AFDN: variants seen among roughly 807,000 people sequenced by gnomAD.
AFDN encodes the protein afadin.
AFDN carries 68 observed loss-of-function variants against 216.6 expected under a neutral mutation model. The ratio of observed to expected loss-of-function variants is 0.31; its 90% CI spans 0.26 to 0.38. The LOEUF (loss-of-function observed/expected upper bound fraction) is 0.38, where lower values mean the gene tolerates loss of function less well. Among genes scored for constraint, AFDN ranks in the 10% least tolerant of loss-of-function variants. The pLI, the probability that AFDN is intolerant of heterozygous loss-of-function variation, is 1.00. For missense variants in AFDN, 2,136 were observed against 2,342.0 expected, an observed-to-expected ratio of 0.91 and a Z score of 1.82; for synonymous variants, 868 against 853.7, an observed-to-expected ratio of 1.02 and a Z score of -0.29.
At chr6:167,863,901 G>A in intron 1 of AFDN, 1 of 426,612 alleles carries the variant, frequency 2.3e-6, no homozygotes, top group Admixed American at 2.5e-5. Context: ...AAAAGTACTT[G>A]TGCTTTTTGC....
At chr6:167,826,615 A>G, upstream of AFDN, 3 of 516,590 alleles carry the variant, frequency 5.8e-6, no homozygotes, top group Admixed American at 5.9e-5. Flanking sequence ...CGGACCCAGC[A>G]CTGCCCATTT....
chr6:167,848,845 C>CT, intron 1 of AFDN, among the ~76,000 whole-genome samples: 1 of 152,290 alleles, frequency 6.6e-6, no homozygotes, highest in South Asian at 2.1e-4. Flanking sequence ...TTTTTACAGA[C>CT]TCAGCTGTGT....
chr6:167,880,494 C>G lies in AFDN; in HGVS notation c.874C>G (p.Pro292Ala), dbSNP rs760760689. The G allele has an allele frequency of 6.2e-7, 1 of 1,613,612 alleles. No individual in the cohort carries two copies. Among genetic ancestry groups the G allele is most frequent in the Admixed American group, 1.7e-5 (1 of 59,998 alleles). ...GAAGTATGGTCTGGAAAAAGAAAACCCTAAGGATTACTGCATCGCCCGGGT... is the reference window on the plus strand; with the variant it reads ...GAAGTATGGTCTGGAAAAAGAAAACGCTAAGGATTACTGCATCGCCCGGGT... ...LEKYGLEKEN[P>A]KDYCIARVML... The change falls in exon 6 of 34, where the codon CCT becomes GCT. Residue 292 changes from proline (P) to alanine (A), a missense_variant. By Grantham distance (27) the Pro-to-Ala change is conservative. Coordinates refer to ENST00000683244, the MANE Select transcript of AFDN (RefSeq NM_001386888.1).
intron 31 of AFDN, chr6:167,963,122 T>C: frequency 2.8e-6 from 3 of 1,067,624 alleles, no homozygotes; most frequent in Non-Finnish European, 3.4e-6. Context: ...TTTTCATGTG[T>C]GTGTGTGTGT....
chr6:167,875,650 A>G (rs1244772626), intron 5 of AFDN, among the ~76,000 whole-genome samples, 155 bp downstream of exon 5: 1 of 151,978 alleles, frequency 6.6e-6, no homozygotes, highest in East Asian at 1.9e-4. Flanking sequence ...AAATCAGCCT[A>G]CCCTATGTAC....
intron 12 of AFDN, 69 bp from the exon 13 acceptor site, chr6:167,907,102 C>G (rs1220242631): frequency 3.8e-5 from 44 of 1,147,144 alleles, no homozygotes; most frequent in Non-Finnish European, 5.3e-5. Context: ...TCTCTGCTTG[C>G]AACGCTGAGT....
At chr6:167,866,620 T>C (rs906687438) in intron 2 of AFDN, among the ~76,000 whole-genome samples, 1 of 152,238 alleles carries the variant, frequency 6.6e-6, no homozygotes, top group East Asian at 1.9e-4. Flanking sequence ...GCTGGGACAG[T>C]TGTGCCTCTT....
intron 1 of AFDN, among the ~76,000 whole-genome samples, chr6:167,854,358 A>G (rs2128190085): frequency 6.6e-6 from 1 of 152,182 alleles, no homozygotes; most frequent in Admixed American, 6.5e-5. Flanking sequence ...CTGTGAAACA[A>G]GTTGGAAATT....
chr6:167,926,970 T>TA (rs1318263805), intron 23 of AFDN, among the ~76,000 whole-genome samples: 2 of 152,204 alleles, frequency 1.3e-5, no homozygotes, highest in African/African-American at 4.8e-5. Flanking sequence ...GATTTGCTGT[T>TA]ACACAGGTTT....
At chr6:167,891,241 G>A (rs1357052748) in intron 8 of AFDN, among the ~76,000 whole-genome samples, 1 of 151,960 alleles carries the variant, frequency 6.6e-6, no homozygotes, top group African/African-American at 2.4e-5. Flanking sequence ...CATAAAAATG[G>A]TTCACATGGA....
intron 31 of AFDN, chr6:167,963,949 C>A: frequency 9.4e-7 from 1 of 1,064,642 alleles, no homozygotes; most frequent in Middle Eastern, 4.2e-4. Flanking sequence ...CTGTCCCAGG[C>A]CGTGCACAGT....
chr6:167,921,869 G>A (rs1016633761), intron 21 of AFDN, among the ~76,000 whole-genome samples: 2 of 151,674 alleles, frequency 1.3e-5, no homozygotes, highest in South Asian at 2.1e-4. Context: ...TGTTTTTGAC[G>A]TCTCCTTTTT....
intron 26 of AFDN, among the ~76,000 whole-genome samples, chr6:167,944,875 C>T (rs1209537967): frequency 3.9e-5 from 6 of 151,946 alleles, no homozygotes; most frequent in South Asian, 2.1e-4. Flanking sequence ...GCTCTGGGTG[C>T]GTCCACGAGT....
At chr6:167,921,924 T>A (rs1407876003) in intron 21 of AFDN, among the ~76,000 whole-genome samples, 1 of 152,206 alleles carries the variant, frequency 6.6e-6, no homozygotes, top group Non-Finnish European at 1.5e-5. Context: ...ACGGTCAGAA[T>A]TTTCTCCTTG....
At chr6:167,914,882 G>T (rs113147337) in intron 18 of AFDN, 144 bp downstream of exon 18, 1 of 677,472 alleles carries the variant, frequency 1.5e-6, no homozygotes, top group Non-Finnish European at 2.5e-6. Flanking sequence ...AAATTTTAAC[G>T]ATTATTTGTT....
intron 21 of AFDN, among the ~76,000 whole-genome samples, chr6:167,922,634 G>C (rs1791978762): frequency 6.6e-6 from 1 of 152,204 alleles, no homozygotes; most frequent in Non-Finnish European, 1.5e-5. Flanking sequence ...AGAGGAGTGG[G>C]AGGCCAATTT....
intron 1 of AFDN, among the ~76,000 whole-genome samples, chr6:167,832,003 C>G (rs779467236): frequency 7.2e-5 from 11 of 152,274 alleles, no homozygotes; most frequent in African/African-American, 2.6e-4. Flanking sequence ...TGAGACTGAA[C>G]TCATTTGAAA....
chr6:167,969,184 G>C lies in AFDN; in HGVS notation c.5328G>C (p.Glu1776Asp), dbSNP rs761969400. ...ATGACGCCTGTCGGGATGCAAAAGA[G>C]AAGCGCTCTAAAAGGTATGGACGGT... Reference protein sequence around the residue: ...GAHDACRDAKEKRSKSQDADS... With the variant: ...GAHDACRDAKDKRSKSQDADS... The change falls in exon 33 of 34, where the codon GAG becomes GAC. Residue 1776 changes from glutamate (E) to aspartate (D), a missense_variant. Transcript: ENST00000683244. 1.2e-6 allele frequency: 2 copies of C among 1,613,808 alleles called. No homozygotes were observed. Among genetic ancestry groups the C allele is most frequent in the South Asian group, 2.2e-5 (2 of 91,080 alleles).
At chr6:167,901,641 C>T (rs965269693) in intron 11 of AFDN, among the ~76,000 whole-genome samples, 2 of 152,176 alleles carry the variant, frequency 1.3e-5, no homozygotes, top group African/African-American at 2.4e-5. Context: ...AGAAGCTCAC[C>T]GCTGTTCCTC....
Sources: allele counts gnomAD v4.1 joint callset (sites outside exome capture counted in the v4.1 genomes callset), GRCh38; gene constraint gnomAD v4.1.1; transcripts MANE v1.5; gene names NCBI Gene and HGNC (gene_info 2026-07-23, HGNC 2026-07-21).